The following ABCB5 variants were observed in gnomAD, a reference collection of about 807,000 sequenced individuals.
The protein encoded by ABCB5 is ATP binding cassette subfamily B member 5, also known as ATP-binding cassette sub-family B member 5.
A neutral mutation model predicts 144.2 loss-of-function variants in ABCB5; 155 were observed. That is an observed-to-expected ratio of 1.08 (90% CI 0.94 to 1.23). The LOEUF (loss-of-function observed/expected upper bound fraction) is 1.23. ABCB5 is among the 50% of genes most tolerant of loss of function. The probability of loss-of-function intolerance (pLI) is 0.00; values close to 1 mark genes in which losing one functional copy is unlikely to be tolerated. For missense variants in ABCB5, 1,830 were observed against 1,520.8 expected (o/e 1.20, Z -3.38); for synonymous variants, 610 against 528.6 (o/e 1.15, Z -2.11).
At chr7:20,656,089 G>C (rs1227631075) in intron 13 of ABCB5, among the ~76,000 whole-genome samples, 1 of 145,190 alleles carries the variant, frequency 6.9e-6, no homozygotes, top group African/African-American at 2.6e-5. Context: ...TTATCCTTGT[G>C]GAAAAAATAA....
chr7:20,710,383 T>TGGG (rs370218679), intron 20 of ABCB5, among the ~76,000 whole-genome samples: 3 of 69,070 alleles, frequency 4.3e-5, no homozygotes, highest in Non-Finnish European at 7.9e-5. Flanking sequence ...AAAAAAAAAG[T>TGGG]GGGGGGGGGG....
chr7:20,659,007 C>T, intron 14 of ABCB5: 1 of 1,577,564 alleles, frequency 6.3e-7, no homozygotes, highest in Non-Finnish European at 8.7e-7. Flanking sequence ...CATGCCCACC[C>T]TTTGCTTCTT....
At chr7:20,740,356 T>C (rs1782524530) in intron 24 of ABCB5, among the ~76,000 whole-genome samples, 1 of 152,254 alleles carries the variant, frequency 6.6e-6, no homozygotes, top group East Asian at 1.9e-4. Flanking sequence ...ATTAGGTATA[T>C]ACTTAAATGT....
At position 20,723,007 on chromosome 7, in the gene ABCB5, T is replaced by C. The variant is rs771263844; in HGVS notation, c.2422-9T>C. ...TGAGTTTTTTCCCCCAAAATATGTC[T>C]GATTATAGGCAACAGGTTCCAGGAT... On this transcript the variant is annotated splice_polypyrimidine_tract_variant and intron_variant, in intron 20 of 27. Coordinates refer to ENST00000404938, the MANE Select transcript of ABCB5 (RefSeq NM_001163941.2). The C allele has an allele frequency of 6.2e-7, 1 of 1,613,674 alleles. No individual in the cohort carries two copies. The highest frequency in any genetic ancestry group is 1.1e-5 in the South Asian group (1 of 91,050).
At chr7:20,729,255 T>C (rs1782134513) in intron 23 of ABCB5, among the ~76,000 whole-genome samples, 1 of 152,192 alleles carries the variant, frequency 6.6e-6, no homozygotes, top group Non-Finnish European at 1.5e-5. Flanking sequence ...TCTGCTTCAG[T>C]TTACTGGAAC....
At chr7:20,654,400 G>T (rs1784700677) in intron 13 of ABCB5, among the ~76,000 whole-genome samples, 1 of 152,108 alleles carries the variant, frequency 6.6e-6, no homozygotes, top group Admixed American at 6.5e-5. Context: ...AAAGGAGAAA[G>T]ACAAATCCAC....
rs777440804 is a variant in ABCB5, at chr7:20,647,630, T to A, written c.1077T>A (p.Ile359=). The change falls in exon 10 of 28, where the codon ATT becomes ATA. Residue 359 remains isoleucine (I), a synonymous_variant. Transcript: ENST00000404938. ...FAIARGAAFH[I]FQVIDKKPSI... ...TAGCCCGAGGAGCTGCCTTTCATAT[T>A]TTCCAGGTTATTGATAAGGTAAGAC... 2 of 1,573,022 alleles carry A rather than the reference T, an allele frequency of 1.3e-6. No homozygotes were observed. Among genetic ancestry groups the A allele is most frequent in the East Asian group, 2.3e-5 (1 of 43,566 alleles).
chr7:20,656,420 G>A (rs1241524292), intron 13 of ABCB5, among the ~76,000 whole-genome samples: 2 of 151,942 alleles, frequency 1.3e-5, no homozygotes, highest in African/African-American at 4.8e-5. Flanking sequence ...AGCTTGATGA[G>A]GAGACAAAAA....
intron 13 of ABCB5, among the ~76,000 whole-genome samples, chr7:20,654,179 G>GT (rs149803992): frequency 9.7e-4 from 145 of 149,200 alleles, no homozygotes; most frequent in African/African-American, 1.7e-3. Context: ...AATCAGCACT[G>GT]TTTTTTTTTT....
At chr7:20,696,757 A>C (rs148622552) in intron 16 of ABCB5, among the ~76,000 whole-genome samples, 338 of 152,268 alleles carry the variant, frequency 2.2e-3, no homozygotes, top group African/African-American at 7.8e-3. Flanking sequence ...TTTAAGTAAC[A>C]CAGCCTATTT....
intron 1 of ABCB5, among the ~76,000 whole-genome samples, chr7:20,620,052 C>T (rs1783776654): frequency 6.6e-6 from 1 of 152,134 alleles, no homozygotes; most frequent in African/African-American, 2.4e-5. Flanking sequence ...GCACCAATAC[C>T]ATGCTGTTTT....
chr7:20,621,368 G>A (rs1254247542), intron 1 of ABCB5, among the ~76,000 whole-genome samples: 2 of 152,032 alleles, frequency 1.3e-5, no homozygotes, highest in Admixed American at 1.3e-4. Context: ...TACTTCAGAT[G>A]GTAAAATGTT....
intron 14 of ABCB5, chr7:20,667,320 A>G: frequency 1.0e-6 from 1 of 984,762 alleles, no homozygotes; most frequent in African/African-American, 1.7e-5. Context: ...GATATATATT[A>G]AAACACCTGT....
intron 16 of ABCB5, among the ~76,000 whole-genome samples, chr7:20,693,582 G>T (rs1360733255): frequency 6.6e-6 from 1 of 152,014 alleles, no homozygotes; most frequent in Non-Finnish European, 1.5e-5. Context: ...ATATCAAAAT[G>T]TATAGGAAGC....
At chr7:20,698,686 T>C (rs947154088) in intron 17 of ABCB5, 136 bp downstream of exon 17, 2 of 730,606 alleles carry the variant, frequency 2.7e-6, no homozygotes, top group African/African-American at 3.7e-5. Flanking sequence ...GAGTCCGTGA[T>C]AGGAAGGTTA....
chr7:20,698,311 T>A, intron 16 of ABCB5, 96 bp from the exon 17 acceptor site: 2 of 1,076,808 alleles, frequency 1.9e-6, no homozygotes, highest in South Asian at 4.4e-5. Flanking sequence ...TTATGTTTGA[T>A]GTTATACATT....
chr7:20,647,973 C>G lies in ABCB5; in HGVS notation c.1101C>G (p.Pro367=). The G allele has an allele frequency of 6.3e-7, 1 of 1,581,330 alleles. No homozygotes were observed. Among genetic ancestry groups the G allele is most frequent in the Non-Finnish European group, 8.7e-7 (1 of 1,150,770 alleles). ...ATTTCCTTTGTTTTTCCAAGAAACC[C>G]AGTATAGATAACTTTTCCACAGCTG... ...FHIFQVIDKK[P]SIDNFSTAGY... The change falls in exon 11 of 28, where the codon CCC becomes CCG. Residue 367 remains proline (P), a synonymous_variant. Transcript: ENST00000404938.
intron 20 of ABCB5, among the ~76,000 whole-genome samples, chr7:20,707,601 A>G (rs1056132299): frequency 1.3e-5 from 2 of 152,222 alleles, no homozygotes; most frequent in East Asian, 1.9e-4. Flanking sequence ...TCCACAAGAA[A>G]GTGTGTTATT....
At chr7:20,626,854 GGTGTGT>G (rs370537783) in intron 3 of ABCB5, among the ~76,000 whole-genome samples, 15,696 of 143,666 alleles carry the variant, frequency 0.11, 902 homozygotes, top group Non-Finnish European at 0.13. Flanking sequence ...GTGTTTTTGG[GGTGTGT>G]GTGTGTGTGT....
Sources: gnomAD v4.1 joint callset for allele counts (sites outside exome capture counted in the v4.1 genomes callset) on GRCh38, gnomAD v4.1.1 for gene constraint, MANE v1.5 for transcripts, NCBI Gene and HGNC (gene_info 2026-07-23, HGNC 2026-07-21) for gene names.